The following MALRD1 variants were observed in gnomAD, a reference collection of about 807,000 sequenced individuals.
MALRD1 encodes MAM and LDL receptor class A domain containing 1.
Under a neutral mutation model 242.1 loss-of-function variants are expected in MALRD1, and 247 were observed. That is an observed-to-expected ratio of 1.02 (90% confidence interval 0.92 to 1.13). The LOEUF is 1.13. Ranked by LOEUF, MALRD1 falls within the 50% of genes most tolerant of loss-of-function variation. MALRD1 has a pLI of 0.00. For missense variants in MALRD1, 2,989 were observed against 2,533.1 expected, an observed-to-expected ratio of 1.18 and a Z score of -3.86; for synonymous variants, 995 against 866.6, an observed-to-expected ratio of 1.15 and a Z score of -2.60.
At chr10:19,274,015 T>G (rs1294417406) in intron 19 of MALRD1, among the ~76,000 whole-genome samples, 1 of 152,192 alleles carries the variant, frequency 6.6e-6, no homozygotes, top group Non-Finnish European at 1.5e-5. Flanking sequence ...AAAATTCTTG[T>G]GCATTCCTGG....
At chr10:19,292,170 A>C (rs1841469476) in intron 21 of MALRD1, among the ~76,000 whole-genome samples, 1 of 151,704 alleles carries the variant, frequency 6.6e-6, no homozygotes, top group Non-Finnish European at 1.5e-5. Context: ...CTCTACCCTG[A>C]GTCAGTCTAA....
At chr10:19,411,756 T>C (rs964074607) in intron 28 of MALRD1, among the ~76,000 whole-genome samples, 6 of 152,142 alleles carry the variant, frequency 3.9e-5, no homozygotes, top group Admixed American at 3.9e-4. Context: ...CAAGGGACAC[T>C]AGTATTTTCC....
intron 35 of MALRD1, among the ~76,000 whole-genome samples, chr10:19,608,458 A>G (rs975526668): frequency 6.6e-6 from 1 of 152,016 alleles, no homozygotes; most frequent in Non-Finnish European, 1.5e-5. Flanking sequence ...ACTGCTTTAA[A>G]ATTTTCTAAT....
intron 31 of MALRD1, among the ~76,000 whole-genome samples, chr10:19,504,581 A>G (rs1229105997): frequency 6.6e-6 from 1 of 151,278 alleles, no homozygotes; most frequent in Non-Finnish European, 1.5e-5. Flanking sequence ...ATACACATAC[A>G]CTTAAAGACA....
At chr10:19,517,718 G>A (rs1463954035) in intron 31 of MALRD1, among the ~76,000 whole-genome samples, 1 of 152,120 alleles carries the variant, frequency 6.6e-6, no homozygotes, top group East Asian at 1.9e-4. Context: ...CCTGGGCACA[G>A]TCATATCCAG....
At chr10:19,723,844 C>A (rs576785308) in intron 38 of MALRD1, among the ~76,000 whole-genome samples, 1 of 151,576 alleles carries the variant, frequency 6.6e-6, no homozygotes, top group African/African-American at 2.4e-5. Context: ...GTATTACTCC[C>A]GTGAGATAGT....
chr10:19,311,404 G>C (rs545686087), intron 21 of MALRD1, among the ~76,000 whole-genome samples: 28 of 151,414 alleles, frequency 1.8e-4, no homozygotes, highest in Non-Finnish European at 3.6e-4. Context: ...TAAATTTCCT[G>C]CTGGTGTTTA....
At chr10:19,054,755 T>C (rs1373626847) in intron 1 of MALRD1, among the ~76,000 whole-genome samples, 4 of 152,226 alleles carry the variant, frequency 2.6e-5, no homozygotes, top group Non-Finnish European at 2.9e-5. Context: ...TTATGACTGA[T>C]AGTGTTTCAC....
At chr10:19,668,917 A>G (rs1195182064) in intron 36 of MALRD1, among the ~76,000 whole-genome samples, 1 of 152,200 alleles carries the variant, frequency 6.6e-6, no homozygotes, top group Non-Finnish European at 1.5e-5. Flanking sequence ...TAAAATAAAT[A>G]ATGAAAAATT....
At chr10:19,185,783 T>C (rs1299122373) in intron 14 of MALRD1, among the ~76,000 whole-genome samples, 1 of 150,306 alleles carries the variant, frequency 6.7e-6, no homozygotes, top group Non-Finnish European at 1.5e-5. Context: ...GAATTTCCTA[T>C]AGCAACTCTC....
At chr10:19,240,414 A>ACT (rs1284248618) in intron 18 of MALRD1, among the ~76,000 whole-genome samples, 2 of 152,042 alleles carry the variant, frequency 1.3e-5, no homozygotes, top group African/African-American at 4.8e-5. Context: ...CTATATAAGT[A>ACT]TATCTAGAAA....
rs11415205 is a variant in MALRD1, at chr10:19,487,363, G to GTT, written c.5030-4152_5030-4151dup. Among the ~76,000 whole-genome samples the GTT allele has an allele frequency of 4.2e-3, 631 of 150,668 alleles. 6 individuals are homozygous for GTT. The highest frequency in any genetic ancestry group is 0.012 in the African/African-American group (498 of 41,194). On this transcript the variant is annotated intron_variant, in intron 29 of 39. Transcript: ENST00000454679. ...ATATACGTGAGGCTGTTTTTTATTT[G>GTT]TTTATTTTTCTTTGGACACCTAATA... is the stretch of plus-strand genomic sequence containing the variant.
At chr10:19,073,434 T>G (rs1043889667) in intron 2 of MALRD1, among the ~76,000 whole-genome samples, 3 of 152,070 alleles carry the variant, frequency 2.0e-5, no homozygotes, top group Admixed American at 6.6e-5. Context: ...TATCCAAAAA[T>G]CTGAAATCCA....
intron 18 of MALRD1, among the ~76,000 whole-genome samples, chr10:19,225,655 C>T (rs1158283873): frequency 6.6e-6 from 1 of 152,062 alleles, no homozygotes; most frequent in African/African-American, 2.4e-5. Context: ...CAACCTACAC[C>T]CACCGTTTCC....
intron 2 of MALRD1, among the ~76,000 whole-genome samples, chr10:19,068,008 C>T (rs1239740856): frequency 6.6e-6 from 1 of 152,106 alleles, no homozygotes; most frequent in East Asian, 1.9e-4. Context: ...CAAGCACTAA[C>T]TGCAATATAG....
At chr10:19,301,398 G>A (rs1378223888) in intron 21 of MALRD1, among the ~76,000 whole-genome samples, 1 of 151,626 alleles carries the variant, frequency 6.6e-6, no homozygotes, top group African/African-American at 2.4e-5. Context: ...CTACCATAAA[G>A]ACACATGCAC....
chr10:19,262,788 C>G lies in MALRD1; in HGVS notation c.3079+5017C>G, dbSNP rs1393522927. ...AATTTGTACCATCTTACCAACATAT[C>G]TCCATTTCTTTCATCCCTCGACCTC... is the stretch of plus-strand genomic sequence containing the variant. On this transcript the variant is annotated intron_variant, in intron 19 of 39. Coordinates refer to ENST00000454679, the MANE Select transcript of MALRD1 (RefSeq NM_001142308.3). Among the ~76,000 whole-genome samples, 4 of 151,962 alleles carry G rather than the reference C, an allele frequency of 2.6e-5. No individual in the cohort carries two copies. In the East Asian group the frequency reaches 5.8e-4, roughly 22 times the overall value.
At chr10:19,400,911 G>C (rs971215641) in intron 28 of MALRD1, among the ~76,000 whole-genome samples, 1 of 152,122 alleles carries the variant, frequency 6.6e-6, no homozygotes, top group Non-Finnish European at 1.5e-5. Flanking sequence ...AATTACTCGG[G>C]AGGCTGAGGC....
intron 26 of MALRD1, among the ~76,000 whole-genome samples, chr10:19,354,580 G>T (rs1844539519): frequency 6.6e-6 from 1 of 151,856 alleles, no homozygotes; most frequent in Admixed American, 6.6e-5. Context: ...ACCTTTGTGG[G>T]ATCATTTTTT....
Sources: allele counts gnomAD v4.1 joint callset (sites outside exome capture counted in the v4.1 genomes callset), GRCh38; gene constraint gnomAD v4.1.1; transcripts MANE v1.5; gene names NCBI Gene and HGNC (gene_info 2026-07-23, HGNC 2026-07-21).